The following RBFOX1 variants were observed in gnomAD, a reference collection of about 807,000 sequenced individuals.
RBFOX1 encodes RNA binding protein fox-1 homolog 1.
In RBFOX1, 8 loss-of-function variants were observed where a neutral mutation model predicts 57.7. The observed-to-expected ratio is 0.14, with a 90% CI of 0.08 to 0.25. The LOEUF (loss-of-function observed/expected upper bound fraction) is 0.25. Ranked by LOEUF, RBFOX1 falls within the 10% of genes least tolerant of loss-of-function variation. The pLI, the probability that RBFOX1 is intolerant of heterozygous loss-of-function variation, is 1.00. For missense variants in RBFOX1, 611 were observed against 548.5 expected, an observed-to-expected ratio of 1.11 and a Z score of -1.14; for synonymous variants, 326 against 222.4, an observed-to-expected ratio of 1.47 and a Z score of -4.15.
chr16:7,188,002 G>C (rs974545434), intron 4 of RBFOX1, among the ~76,000 whole-genome samples: 1 of 152,188 alleles, frequency 6.6e-6, no homozygotes, highest in Non-Finnish European at 1.5e-5. Context: ...CTGTGTGCTA[G>C]CCATAGTTAT....
chr16:5,263,704 G>A (rs2062791068), intron 1 of RBFOX1, among the ~76,000 whole-genome samples: 1 of 152,138 alleles, frequency 6.6e-6, no homozygotes, highest in Non-Finnish European at 1.5e-5. Flanking sequence ...AAGGTACAGT[G>A]ATCTAGGGGT....
intron 1 of RBFOX1, among the ~76,000 whole-genome samples, chr16:5,333,840 A>G (rs1388348623): frequency 1.3e-5 from 2 of 152,216 alleles, no homozygotes; most frequent in African/African-American, 4.8e-5. Flanking sequence ...GTATTTGTGT[A>G]TCATATCTCA....
chr16:6,771,885 A>T (rs62016075), intron 3 of RBFOX1, among the ~76,000 whole-genome samples: 2 of 152,000 alleles, frequency 1.3e-5, no homozygotes, highest in Non-Finnish European at 2.9e-5. Context: ...CCTTCTCCCC[A>T]TTAGACCTTT....
intron 4 of RBFOX1, among the ~76,000 whole-genome samples, chr16:7,514,098 A>C (rs767520879): frequency 5.9e-5 from 9 of 152,078 alleles, no homozygotes; most frequent in African/African-American, 9.7e-5. Flanking sequence ...CAGCTATTAG[A>C]AAACATTTTC....
At chr16:6,198,067 G>A (rs142560675) in intron 1 of RBFOX1, among the ~76,000 whole-genome samples, 2,148 of 152,148 alleles carry the variant, frequency 0.014, 27 homozygotes, top group Middle Eastern at 0.088. Flanking sequence ...CTTACCTGAC[G>A]CAGATAATTT....
At chr16:6,852,500 C>A (rs932540914) in intron 3 of RBFOX1, among the ~76,000 whole-genome samples, 2 of 152,186 alleles carry the variant, frequency 1.3e-5, no homozygotes, top group East Asian at 1.9e-4. Context: ...AACAGTCTTA[C>A]AAGTAGGGAA....
At chr16:5,968,877 A>G (rs2059904438) in intron 4 of RBFOX1, among the ~76,000 whole-genome samples, 3 of 151,870 alleles carry the variant, frequency 2.0e-5, no homozygotes. Context: ...GTACTCTTGA[A>G]TCTTCTTTTT....
chr16:5,853,760 C>G (rs2056955960), intron 3 of RBFOX1, among the ~76,000 whole-genome samples: 2 of 152,040 alleles, frequency 1.3e-5, no homozygotes, highest in Non-Finnish European at 2.9e-5. Context: ...CAAATTGTGG[C>G]TTTTCTTTTC....
At chr16:6,501,662 G>A (rs905002181) in intron 2 of RBFOX1, among the ~76,000 whole-genome samples, 1 of 152,088 alleles carries the variant, frequency 6.6e-6, no homozygotes, top group Non-Finnish European at 1.5e-5. Flanking sequence ...TTATAGACAA[G>A]GGCTCCTTCT....
At chr16:6,305,109 A>T (rs2079330077) in intron 1 of RBFOX1, among the ~76,000 whole-genome samples, 1 of 152,196 alleles carries the variant, frequency 6.6e-6, no homozygotes, top group Non-Finnish European at 1.5e-5. Flanking sequence ...GTAAAAGCAC[A>T]TCAATCAGTG....
chr16:7,266,971 G>A (rs892474559), intron 4 of RBFOX1, among the ~76,000 whole-genome samples: 45 of 152,034 alleles, frequency 3.0e-4, no homozygotes, highest in African/African-American at 9.7e-4. Flanking sequence ...GTTCAAAAGG[G>A]CCACTGAGAC....
intron 1 of RBFOX1, among the ~76,000 whole-genome samples, chr16:5,319,636 G>T (rs138467856): frequency 6.6e-6 from 1 of 152,170 alleles, no homozygotes; most frequent in Non-Finnish European, 1.5e-5. Context: ...AAGACTGACC[G>T]TTTCAGTGTC....
intron 4 of RBFOX1, among the ~76,000 whole-genome samples, chr16:7,216,081 C>G (rs751334611): frequency 6.6e-6 from 1 of 152,110 alleles, no homozygotes; most frequent in Non-Finnish European, 1.5e-5. Flanking sequence ...TGCCTTCTTT[C>G]ACTTAGCATA....
chr16:7,366,012 T>C (rs1250933684), intron 4 of RBFOX1, among the ~76,000 whole-genome samples: 1 of 152,152 alleles, frequency 6.6e-6, no homozygotes, highest in Non-Finnish European at 1.5e-5. Flanking sequence ...ACAGAAAGAC[T>C]CTGTGTCAGA....
chr16:6,567,411 A>G (rs1446167727), intron 2 of RBFOX1, among the ~76,000 whole-genome samples: 4 of 152,174 alleles, frequency 2.6e-5, no homozygotes, highest in African/African-American at 9.6e-5. Flanking sequence ...GTCCCTAGAT[A>G]GCCTCTTGGC....
intron 2 of RBFOX1, among the ~76,000 whole-genome samples, chr16:6,454,874 T>TG (rs1567313731): frequency 2.0e-5 from 1 of 50,250 alleles, no homozygotes; most frequent in Non-Finnish European, 3.9e-5. Flanking sequence ...TTTTTTTTTT[T>TG]TTTTTTTTTT....
At chr16:5,876,135 G>A (rs539813896) in intron 4 of RBFOX1, among the ~76,000 whole-genome samples, 290 of 152,156 alleles carry the variant, frequency 1.9e-3, no homozygotes, top group African/African-American at 6.7e-3. Context: ...GAACCACCGC[G>A]CCCGGCCTAT....
intron 4 of RBFOX1, among the ~76,000 whole-genome samples, chr16:7,355,697 T>G (rs2097202834): frequency 6.6e-6 from 1 of 152,236 alleles, no homozygotes; most frequent in Admixed American, 6.5e-5. Context: ...ATGATTTATT[T>G]GCCCTTCAGC....
At chr16:7,167,989 GTAAGGATTTTTTT>G (rs2079914227) in intron 4 of RBFOX1, among the ~76,000 whole-genome samples, 1 of 152,156 alleles carries the variant, frequency 6.6e-6, no homozygotes, top group Non-Finnish European at 1.5e-5. Context: ...ACCACACAAG[GTAAGGATTTTTTT>G]TAAACTTACA....
Sources: gnomAD v4.1 joint callset for allele counts (sites outside exome capture counted in the v4.1 genomes callset) on GRCh38, gnomAD v4.1.1 for gene constraint, MANE v1.5 for transcripts, NCBI Gene and HGNC (gene_info 2026-07-23, HGNC 2026-07-21) for gene names.